The following PLCB1 variants were observed in gnomAD, a reference collection of about 807,000 sequenced individuals.
PLCB1 encodes 1-phosphatidylinositol 4,5-bisphosphate phosphodiesterase beta-1.
Under a neutral mutation model 161.8 loss-of-function variants are expected in PLCB1, and 46 were observed. That is an observed-to-expected ratio of 0.28 (90% CI 0.22 to 0.36). PLCB1 has a LOEUF of 0.36. PLCB1 is among the 10% of genes least tolerant of loss of function. PLCB1 has a pLI of 1.00. For missense variants in PLCB1, 1,016 were observed against 1,472.5 expected, an observed-to-expected ratio of 0.69 and a Z score of 5.07; for synonymous variants, 517 against 503.7, an observed-to-expected ratio of 1.03 and a Z score of -0.35.
chr20:8,846,188 G>A (rs1568622956), intron 31 of PLCB1, among the ~76,000 whole-genome samples: 1 of 152,124 alleles, frequency 6.6e-6, no homozygotes, highest in Non-Finnish European at 1.5e-5. Context: ...GGCTGGAGCA[G>A]GAAGAAGAGA....
intron 2 of PLCB1, among the ~76,000 whole-genome samples, chr20:8,351,279 A>G (rs1986168672): frequency 6.6e-6 from 1 of 152,138 alleles, no homozygotes; most frequent in Admixed American, 6.5e-5. Flanking sequence ...TGCTGGAGCA[A>G]TTGGGTGTCC....
At chr20:8,245,093 A>G (rs57354513) in intron 2 of PLCB1, among the ~76,000 whole-genome samples, 7,973 of 151,906 alleles carry the variant, frequency 0.052, 734 homozygotes, top group African/African-American at 0.18. Context: ...TACTTTTAAA[A>G]TGTTTATATG....
At chr20:8,512,366 T>C (rs1983925676) in intron 3 of PLCB1, among the ~76,000 whole-genome samples, 2 of 152,156 alleles carry the variant, frequency 1.3e-5, no homozygotes, top group Non-Finnish European at 2.9e-5. Flanking sequence ...ATTTCACATA[T>C]TTTTAAAACT....
In PLCB1 at chr20:8,646,126, T is replaced by C. The variant is rs369124253; in HGVS notation, c.409T>C (p.Leu137=). 5 of 1,613,514 alleles carry C rather than the reference T, an allele frequency of 3.1e-6. No individual in the cohort carries two copies. The highest frequency in any genetic ancestry group is 1.1e-5 in the South Asian group (1 of 91,064). ...AKEWTNEVFS[L]ATNLLAQNMS... ...GGAATGGACAAATGAGGTTTTCAGTTTGGCAACAAACCTGCTGGCCCAAAA... is the reference window on the plus strand; with the variant it reads ...GGAATGGACAAATGAGGTTTTCAGTCTGGCAACAAACCTGCTGGCCCAAAA... Residue 137 remains leucine, a synonymous_variant, in exon 5 of 32, where the codon TTG becomes CTG. Transcript: ENST00000338037.
At chr20:8,759,483 T>C (rs1049679024) in intron 24 of PLCB1, among the ~76,000 whole-genome samples, 1 of 152,154 alleles carries the variant, frequency 6.6e-6, no homozygotes, top group Non-Finnish European at 1.5e-5. Flanking sequence ...TGGTCAACAT[T>C]TGACTTTTAT....
Position 8,616,055 on chromosome 20 carries a change from C to A in PLCB1, c.247-12239C>A, listed in dbSNP as rs114827222. 7.4e-3 allele frequency among the ~76,000 whole-genome samples: 1,129 copies of A among 152,266 alleles called. 13 individuals are homozygous for A. The highest frequency in any genetic ancestry group is 0.026 in the African/African-American group (1,071 of 41,544). On this transcript the variant is annotated intron_variant, in intron 3 of 31. Coordinates refer to ENST00000338037, the MANE Select transcript of PLCB1 (RefSeq NM_015192.4). ...GTTACTGACACCTCCATTTCTTCAACCCCAAAACTGAATCCAACATCAAGT... is the reference window on the plus strand; with the variant it reads ...GTTACTGACACCTCCATTTCTTCAAACCCAAAACTGAATCCAACATCAAGT...
intron 2 of PLCB1, among the ~76,000 whole-genome samples, chr20:8,152,906 G>A (rs756273485): frequency 9.2e-5 from 14 of 152,092 alleles, no homozygotes; most frequent in Non-Finnish European, 1.8e-4. Flanking sequence ...TTATAGCATT[G>A]GAGGTAAATG....
intron 2 of PLCB1, among the ~76,000 whole-genome samples, chr20:8,235,023 A>G (rs1026612254): frequency 6.6e-6 from 1 of 152,094 alleles, no homozygotes; most frequent in African/African-American, 2.4e-5. Flanking sequence ...TTTACATGTT[A>G]TGTCTCCTCA....
At chr20:8,578,125 T>C (rs922197815) in intron 3 of PLCB1, among the ~76,000 whole-genome samples, 1 of 152,248 alleles carries the variant, frequency 6.6e-6, no homozygotes, top group Non-Finnish European at 1.5e-5. Flanking sequence ...CTTCACTGCT[T>C]AATACCTTAT....
chr20:8,489,719 G>A (rs1982868004), intron 3 of PLCB1, among the ~76,000 whole-genome samples: 1 of 152,200 alleles, frequency 6.6e-6, no homozygotes, highest in African/African-American at 2.4e-5. Flanking sequence ...ATGCAATGCA[G>A]CAACTATAGT....
chr20:8,238,760 A>G (rs1980452353), intron 2 of PLCB1, among the ~76,000 whole-genome samples: 1 of 152,000 alleles, frequency 6.6e-6, no homozygotes. Flanking sequence ...TTCAAATGTT[A>G]TAGACAGACC....
chr20:8,276,926 T>TTTCTTCTTCTTCTTCTTC (rs752434070), intron 2 of PLCB1, among the ~76,000 whole-genome samples: 27 of 104,816 alleles, frequency 2.6e-4, no homozygotes, highest in East Asian at 1.8e-3. Flanking sequence ...GTCTTCTTCT[T>TTTCTTCTTCTTCTTCTTC]TTCTTCTTCT....
rs1983174097 is a variant in PLCB1 at position 8,496,396 on chromosome 20, C to T, written c.246+124946C>T. On this transcript the variant is annotated intron_variant, in intron 3 of 31. Coordinates refer to ENST00000338037, the MANE Select transcript of PLCB1 (RefSeq NM_015192.4). ...GGATGCGCCTGTAGTCCCAGCTACT[C>T]AGGAGACTGAGGTGGGAGGATCACT... Among the ~76,000 whole-genome samples the T allele has an allele frequency of 2.0e-5, 3 of 151,776 alleles. No individual in the cohort carries two copies. In the South Asian group the frequency reaches 6.3e-4, roughly 32 times the overall value.
At chr20:8,624,917 C>G (rs1988290991) in intron 3 of PLCB1, among the ~76,000 whole-genome samples, 1 of 152,112 alleles carries the variant, frequency 6.6e-6, no homozygotes, top group South Asian at 2.1e-4. Context: ...GGAGATACAT[C>G]TAGGATATTC....
At chr20:8,575,353 A>G (rs1986643020) in intron 3 of PLCB1, among the ~76,000 whole-genome samples, 1 of 152,234 alleles carries the variant, frequency 6.6e-6, no homozygotes, top group South Asian at 2.1e-4. Context: ...CAGCATCAAC[A>G]TTCCAACAGG....
intron 2 of PLCB1, among the ~76,000 whole-genome samples, chr20:8,176,098 A>G (rs1319373073): frequency 6.6e-6 from 1 of 152,224 alleles, no homozygotes; most frequent in Non-Finnish European, 1.5e-5. Flanking sequence ...TATAAAACTA[A>G]ACATGTAGTT....
At chr20:8,208,996 G>C (rs1453162402) in intron 2 of PLCB1, among the ~76,000 whole-genome samples, 1 of 152,110 alleles carries the variant, frequency 6.6e-6, no homozygotes, top group East Asian at 1.9e-4. Context: ...AGATAGTCAA[G>C]ATGGTATTAA....
intron 3 of PLCB1, among the ~76,000 whole-genome samples, chr20:8,417,040 CACACACACACACACAT>C (rs1424800017): frequency 7.4e-5 from 4 of 54,298 alleles, no homozygotes; most frequent in South Asian, 7.3e-4. Flanking sequence ...CACACACACA[CACACACACACACACAT>C]ATATATATAT....
intron 3 of PLCB1, among the ~76,000 whole-genome samples, chr20:8,437,213 T>C (rs930679417): frequency 6.6e-6 from 1 of 152,052 alleles, no homozygotes; most frequent in Non-Finnish European, 1.5e-5. Context: ...AAGAGGAAAA[T>C]GGATAAAAAC....
Sources: allele counts gnomAD v4.1 joint callset (sites outside exome capture counted in the v4.1 genomes callset), GRCh38; gene constraint gnomAD v4.1.1; transcripts MANE v1.5; gene names NCBI Gene and HGNC (gene_info 2026-07-23, HGNC 2026-07-21).